The following INPP4B variants were observed in gnomAD, a reference collection of about 807,000 sequenced individuals.
The protein encoded by INPP4B is inositol polyphosphate-4-phosphatase type II B, also known as inositol polyphosphate 4-phosphatase type II.
INPP4B carries 55 observed loss-of-function variants against 122.5 expected under a neutral mutation model. The ratio of observed to expected loss-of-function variants is 0.45; its 90% CI spans 0.36 to 0.56. The LOEUF is 0.56. INPP4B is among the 20% of genes least tolerant of loss of function. The pLI is 0.00. For synonymous variants in INPP4B, 403 were observed against 388.7 expected (o/e 1.04, Z -0.43); for missense variants, 1,000 against 1,097.7 (o/e 0.91, Z 1.26).
chr4:142,759,735 C>A (rs570542264), intron 1 of INPP4B, among the ~76,000 whole-genome samples: 359 of 147,272 alleles, frequency 2.4e-3, no homozygotes, highest in African/African-American at 8.3e-3. Context: ...ACATACTATG[C>A]CACAAAGAAG....
chr4:142,551,102 AC>A (rs1175223208), intron 2 of INPP4B, among the ~76,000 whole-genome samples: 2 of 152,208 alleles, frequency 1.3e-5, no homozygotes, highest in East Asian at 1.9e-4. Flanking sequence ...AGAAGAAGCA[AC>A]CATTTGTGGT....
At chr4:142,429,284 T>C (rs1438689818) in intron 4 of INPP4B, 67 bp from the exon 5 acceptor site, 9 of 797,192 alleles carry the variant, frequency 1.1e-5, no homozygotes. Flanking sequence ...TCAATATATA[T>C]TACTATGCTT....
At chr4:142,153,739 T>C (rs1815656729) in intron 17 of INPP4B, among the ~76,000 whole-genome samples, 1 of 152,180 alleles carries the variant, frequency 6.6e-6, no homozygotes, top group Non-Finnish European at 1.5e-5. Flanking sequence ...ACATTAACTC[T>C]GAAAAAGACA....
chr4:142,596,108 G>A (rs1424290933), intron 2 of INPP4B, among the ~76,000 whole-genome samples: 3 of 152,034 alleles, frequency 2.0e-5, no homozygotes, highest in Admixed American at 6.6e-5. Flanking sequence ...GCTTCCCAAA[G>A]TGCTGGGATT....
chr4:142,133,952 C>T (rs1802637071), intron 18 of INPP4B, among the ~76,000 whole-genome samples: 1 of 152,170 alleles, frequency 6.6e-6, no homozygotes, highest in Non-Finnish European at 1.5e-5. Flanking sequence ...TTTTACGTTG[C>T]TCTATATTTT....
chr4:142,483,182 C>CTTT lies in INPP4B; in HGVS notation c.-190-20459_-190-20457dup, dbSNP rs5862604. On this transcript the variant is annotated intron_variant, in intron 2 of 25. Coordinates refer to ENST00000262992, the MANE Select transcript of INPP4B (RefSeq NM_001101669.3). ...TAATAATGACTGGAGTCAGGCTATG[C>CTTT]TTTTTTTTTTTTTTTTTTTTTTTTT... Among the ~76,000 whole-genome samples the CTTT allele has an allele frequency of 9.7e-4, 47 of 48,328 alleles. 9 individuals carry two copies. The highest frequency in any genetic ancestry group is 4.4e-3 in the African/African-American group (44 of 10,090). 31.7% of individuals were successfully genotyped at this position (48,328 alleles called of 152,430 possible). A position where few individuals can be genotyped will look rare whatever the true frequency, so the allele number is the denominator to read the frequency against.
chr4:142,792,168 G>A (rs1011260110), intron 1 of INPP4B, among the ~76,000 whole-genome samples: 2 of 152,108 alleles, frequency 1.3e-5, no homozygotes, highest in Middle Eastern at 3.4e-3. Flanking sequence ...CAGAAGGATC[G>A]CTTGAGCCCA....
At chr4:142,173,606 A>C in intron 16 of INPP4B, 26 bp downstream of exon 16, 1 of 1,593,690 alleles carries the variant, frequency 6.3e-7, no homozygotes, top group Non-Finnish European at 8.6e-7. Context: ...TCATTTTCCC[A>C]ACTATAGTGA....
chr4:142,332,677 A>G (rs1382548055), intron 7 of INPP4B, among the ~76,000 whole-genome samples: 1 of 151,986 alleles, frequency 6.6e-6, no homozygotes, highest in Non-Finnish European at 1.5e-5. Flanking sequence ...ATCATAACAG[A>G]TCTGTGCCTA....
At chr4:142,133,911 A>G (rs192920437) in intron 18 of INPP4B, among the ~76,000 whole-genome samples, 33 of 152,270 alleles carry the variant, frequency 2.2e-4, no homozygotes, top group Admixed American at 3.9e-4. Context: ...CTAAACTGCA[A>G]TCTCTACCCT....
intron 1 of INPP4B, among the ~76,000 whole-genome samples, chr4:142,824,813 A>AT: frequency 6.6e-6 from 1 of 151,546 alleles, no homozygotes; most frequent in South Asian, 2.1e-4. Context: ...TAAAAAAAAA[A>AT]GTCTAGAACT....
chr4:142,590,894 A>AAC (rs1553964628), intron 2 of INPP4B, among the ~76,000 whole-genome samples: 29 of 150,360 alleles, frequency 1.9e-4, no homozygotes, highest in African/African-American at 6.9e-4. Context: ...AAAAAAAAAA[A>AAC]AAAAAACAAA....
intron 25 of INPP4B, among the ~76,000 whole-genome samples, chr4:142,070,694 T>C (rs336366): frequency 0.9 from 137,349 of 152,178 alleles, 63,099 homozygotes; most frequent in Non-Finnish European, 0.98. Context: ...ACACCAATAA[T>C]AGACAGACAG....
At chr4:142,212,428 T>A (rs989375671) in intron 12 of INPP4B, among the ~76,000 whole-genome samples, 9 of 152,202 alleles carry the variant, frequency 5.9e-5, no homozygotes, top group Non-Finnish European at 1.2e-4. Flanking sequence ...TAAATCCTGA[T>A]GAATTAAGCC....
intron 7 of INPP4B, among the ~76,000 whole-genome samples, chr4:142,400,134 A>G (rs1182712436): frequency 6.6e-6 from 1 of 152,226 alleles, no homozygotes; most frequent in African/African-American, 2.4e-5. Context: ...AACATCTAGT[A>G]CAAATATGTA....
intron 1 of INPP4B, among the ~76,000 whole-genome samples, chr4:142,819,245 C>G (rs1034926462): frequency 1.3e-5 from 2 of 152,068 alleles, no homozygotes; most frequent in African/African-American, 2.4e-5. Context: ...AAAGACAGAC[C>G]AAAAGCCCTA....
At chr4:142,670,843 GTTAA>G (rs1756894342) in intron 2 of INPP4B, among the ~76,000 whole-genome samples, 1 of 152,112 alleles carries the variant, frequency 6.6e-6, no homozygotes, top group South Asian at 2.1e-4. Flanking sequence ...TAATGCACAT[GTTAA>G]TTAGTTAGAA....
chr4:142,627,280 C>T (rs1746675171), intron 2 of INPP4B, among the ~76,000 whole-genome samples: 1 of 151,298 alleles, frequency 6.6e-6, no homozygotes, highest in East Asian at 1.9e-4. Context: ...CCAGAACTTC[C>T]AACACTATGT....
At chr4:142,323,367 C>G (rs1447450723) in intron 7 of INPP4B, among the ~76,000 whole-genome samples, 1 of 151,006 alleles carries the variant, frequency 6.6e-6, no homozygotes, top group Non-Finnish European at 1.5e-5. Context: ...TGAAATGGGT[C>G]ATAATGAGAA....
Sources: gnomAD v4.1 joint callset for allele counts (sites outside exome capture counted in the v4.1 genomes callset) on GRCh38, gnomAD v4.1.1 for gene constraint, MANE v1.5 for transcripts, NCBI Gene and HGNC (gene_info 2026-07-23, HGNC 2026-07-21) for gene names.